The following CNTNAP2 variants were observed in gnomAD, a reference collection of about 807,000 sequenced individuals.
The protein encoded by CNTNAP2 is contactin-associated protein-like 2.
Under a neutral mutation model 155.2 loss-of-function variants are expected in CNTNAP2, and 98 were observed. The ratio of observed to expected loss-of-function variants is 0.63; its 90% CI spans 0.54 to 0.75. CNTNAP2 has a LOEUF of 0.75. Ranked by LOEUF, CNTNAP2 falls within the 30% of genes least tolerant of loss-of-function variation. CNTNAP2 has a pLI of 0.00. For missense variants in CNTNAP2, 1,727 were observed against 1,688.1 expected, an observed-to-expected ratio of 1.02 and a Z score of -0.40; for synonymous variants, 651 against 631.2, an observed-to-expected ratio of 1.03 and a Z score of -0.47.
intron 15 of CNTNAP2, among the ~76,000 whole-genome samples, chr7:148,061,920 T>TAG (rs1474883930): frequency 0.087 from 10,932 of 125,240 alleles, 898 homozygotes; most frequent in East Asian, 0.27. Context: ...GATAAACAGA[T>TAG]ATAGATAGAT....
chr7:148,102,800 G>T (rs1804130017), intron 15 of CNTNAP2, among the ~76,000 whole-genome samples: 1 of 152,130 alleles, frequency 6.6e-6, no homozygotes, highest in Non-Finnish European at 1.5e-5. Flanking sequence ...GGTAACCATT[G>T]TTGAACCCCA....
chr7:146,488,169 TTTC>T (rs1797084310), intron 1 of CNTNAP2, among the ~76,000 whole-genome samples: 1 of 151,936 alleles, frequency 6.6e-6, no homozygotes, highest in Non-Finnish European at 1.5e-5. Flanking sequence ...GGCTTGCTCT[TTTC>T]TTTCTTTAGT....
chr7:147,801,566 A>T (rs1377189143), intron 13 of CNTNAP2, among the ~76,000 whole-genome samples: 1 of 151,904 alleles, frequency 6.6e-6, no homozygotes, highest in Non-Finnish European at 1.5e-5. Flanking sequence ...TTAACAAAGC[A>T]CATCTTGCAC....
chr7:147,704,871 A>G (rs1176644537), intron 13 of CNTNAP2, among the ~76,000 whole-genome samples: 1 of 152,124 alleles, frequency 6.6e-6, no homozygotes, highest in Non-Finnish European at 1.5e-5. Context: ...ATAGTTTTTC[A>G]TAATGGTCTT....
chr7:147,104,906 A>AT (rs1281551513), intron 4 of CNTNAP2, among the ~76,000 whole-genome samples: 1 of 106,004 alleles, frequency 9.4e-6, no homozygotes, highest in Non-Finnish European at 2.2e-5. Context: ...ATATATATAT[A>AT]TATATATATA....
chr7:147,451,835 A>G (rs1379798745), intron 10 of CNTNAP2, among the ~76,000 whole-genome samples: 1 of 152,108 alleles, frequency 6.6e-6, no homozygotes, highest in Non-Finnish European at 1.5e-5. Context: ...GGAACCTTTA[A>G]AAAGTGACTG....
intron 17 of CNTNAP2, among the ~76,000 whole-genome samples, chr7:148,157,525 A>G (rs1805421304): frequency 6.6e-6 from 1 of 150,388 alleles, no homozygotes. Flanking sequence ...ATATCTTTTT[A>G]CTGGGAACCA....
intron 13 of CNTNAP2, among the ~76,000 whole-genome samples, chr7:147,660,978 C>A (rs1205526847): frequency 6.6e-6 from 1 of 152,142 alleles, no homozygotes; most frequent in African/African-American, 2.4e-5. Context: ...ACCCACCAAC[C>A]CAACAAACAC....
At chr7:147,997,240 T>C (rs1358610263) in intron 15 of CNTNAP2, among the ~76,000 whole-genome samples, 1 of 152,174 alleles carries the variant, frequency 6.6e-6, no homozygotes, top group Non-Finnish European at 1.5e-5. Flanking sequence ...GATGCCTCCG[T>C]TCTTGTCTTC....
At chr7:147,603,645 C>T (rs1302024425) in intron 12 of CNTNAP2, among the ~76,000 whole-genome samples, 7 of 152,082 alleles carry the variant, frequency 4.6e-5, no homozygotes, top group Non-Finnish European at 1.0e-4. Flanking sequence ...GGCCATACTG[C>T]CCAAGCTAAT....
At chr7:147,505,205 A>G (rs926350156) in intron 11 of CNTNAP2, among the ~76,000 whole-genome samples, 1 of 152,182 alleles carries the variant, frequency 6.6e-6, no homozygotes, top group Non-Finnish European at 1.5e-5. Context: ...AATAAAATAG[A>G]ATTAAAATCC....
At position 148,262,493 on chromosome 7, in the gene CNTNAP2, C is replaced by T. The variant is rs545435597; in HGVS notation, c.3382-4540C>T. ...CAATCAGAAAGGCTGGTGCCTTCCG[C>T]AGGCTCTGAGAGGAGAATCTGTTTC... On this transcript the variant is annotated intron_variant, in intron 20 of 23. Coordinates refer to ENST00000361727, the MANE Select transcript of CNTNAP2 (RefSeq NM_014141.6). Among the ~76,000 whole-genome samples, 3 of 152,294 alleles carry T rather than the reference C, an allele frequency of 2.0e-5. No homozygotes were observed. In the East Asian group the frequency reaches 5.8e-4, roughly 29 times the overall value.
At chr7:147,281,328 T>G (rs1214788116) in intron 8 of CNTNAP2, among the ~76,000 whole-genome samples, 3 of 151,868 alleles carry the variant, frequency 2.0e-5, no homozygotes, top group Non-Finnish European at 2.9e-5. Flanking sequence ...ATTTACAAAA[T>G]GGATTAGCCA....
In CNTNAP2 at chr7:146,151,698, G is replaced by GTATA. The variant is rs371723238; in HGVS notation, c.97+34737_97+34740dup. ...TATATATATGTATATATATATATAT[G>GTATA]TATATATATATATATGTATATATAT... On this transcript the variant is annotated intron_variant, in intron 1 of 23. Transcript: ENST00000361727. 4.6e-4 allele frequency among the ~76,000 whole-genome samples: 34 copies of GTATA among 74,076 alleles called. 2 individuals are homozygous for GTATA. Among genetic ancestry groups the GTATA allele is most frequent in the East Asian group, 2.5e-3 (3 of 1,214 alleles). 48.6% of individuals were successfully genotyped at this position (74,076 alleles called of 152,430 possible).
intron 14 of CNTNAP2, among the ~76,000 whole-genome samples, chr7:147,927,676 T>C (rs568848998): frequency 6.6e-6 from 1 of 152,352 alleles, no homozygotes; most frequent in South Asian, 2.1e-4. Context: ...CTATACTTGA[T>C]CAATAAACTT....
At chr7:147,208,617 G>T (rs1803070739) in intron 8 of CNTNAP2, among the ~76,000 whole-genome samples, 1 of 151,930 alleles carries the variant, frequency 6.6e-6, no homozygotes, top group Non-Finnish European at 1.5e-5. Context: ...TATAAATTCT[G>T]GGCTTGGGTT....
chr7:148,130,477 G>C (rs925464446), intron 16 of CNTNAP2, among the ~76,000 whole-genome samples: 6 of 152,160 alleles, frequency 3.9e-5, no homozygotes, highest in Non-Finnish European at 8.8e-5. Flanking sequence ...CCTCTATCCT[G>C]ATAACCACCC....
At chr7:148,401,693 G>A (rs1799586679) in intron 22 of CNTNAP2, among the ~76,000 whole-genome samples, 1 of 151,922 alleles carries the variant, frequency 6.6e-6, no homozygotes, top group African/African-American at 2.4e-5. Flanking sequence ...CCGCTTCCCG[G>A]GTTCATGCTA....
intron 5 of CNTNAP2, among the ~76,000 whole-genome samples, chr7:147,118,147 T>C (rs1801026568): frequency 6.6e-6 from 1 of 152,144 alleles, no homozygotes; most frequent in Admixed American, 6.5e-5. Context: ...AGTAAGTAAA[T>C]ACATTTTAAA....
Sources: gnomAD v4.1 joint callset for allele counts (sites outside exome capture counted in the v4.1 genomes callset) on GRCh38, gnomAD v4.1.1 for gene constraint, MANE v1.5 for transcripts, NCBI Gene and HGNC (gene_info 2026-07-23, HGNC 2026-07-21) for gene names.